The following CACNA1A variants were observed in gnomAD, a reference collection of about 807,000 sequenced individuals.
CACNA1A encodes the protein calcium voltage-gated channel subunit alpha1 A.
A neutral mutation model predicts 262.4 loss-of-function variants in CACNA1A; 57 were observed. The observed-to-expected ratio is 0.22, with a 90% confidence interval of 0.18 to 0.27. CACNA1A has a LOEUF of 0.27. Among genes scored for constraint, CACNA1A ranks in the 10% least tolerant of loss-of-function variants. The probability of loss-of-function intolerance (pLI) is 1.00; values close to 1 mark genes in which losing one functional copy is unlikely to be tolerated. For missense variants in CACNA1A, 2,526 were observed against 3,562.8 expected (o/e 0.71, Z 7.41); for synonymous variants, 1,431 against 1,419.3 (o/e 1.01, Z -0.18).
intron 27 of CACNA1A, chr19:13,259,139 C>CTT (rs35977943): frequency 0.02 from 2,805 of 140,786 alleles, 31 homozygotes; most frequent in African/African-American, 0.029. Flanking sequence ...TTCAGCCTCA[C>CTT]TTTTTTTTTT....
At chr19:13,473,427 C>T (rs1978293329) in intron 1 of CACNA1A, among the ~76,000 whole-genome samples, 1 of 152,128 alleles carries the variant, frequency 6.6e-6, no homozygotes, top group African/African-American at 2.4e-5. Flanking sequence ...TCTCTAGAGC[C>T]GTCCAAGGGA....
intron 3 of CACNA1A, among the ~76,000 whole-genome samples, chr19:13,440,136 T>G (rs2060690153): frequency 6.6e-6 from 1 of 152,132 alleles, no homozygotes; most frequent in East Asian, 1.9e-4. Flanking sequence ...ATTAAAAAAT[T>G]TTTAAGAGAT....
intron 6 of CACNA1A, among the ~76,000 whole-genome samples, chr19:13,340,077 G>A (rs946869326): frequency 1.3e-5 from 2 of 152,156 alleles, no homozygotes; most frequent in Non-Finnish European, 1.5e-5. Context: ...TGCACCGGCC[G>A]CCAGTAGGGA....
intron 3 of CACNA1A, among the ~76,000 whole-genome samples, chr19:13,446,610 CT>C (rs528828997): frequency 4.3e-3 from 516 of 119,998 alleles, no homozygotes; most frequent in African/African-American, 8.9e-3. Context: ...CCATGCCAGG[CT>C]TTTTTTTTTT....
At chr19:13,370,337 G>A (rs2059299910) in intron 4 of CACNA1A, among the ~76,000 whole-genome samples, 2 of 151,962 alleles carry the variant, frequency 1.3e-5, no homozygotes, top group South Asian at 2.1e-4. Context: ...CTGACCTCAG[G>A]TGATCCACCC....
At chr19:13,272,652 G>A (rs890927057) in intron 24 of CACNA1A, 1 of 151,580 alleles carries the variant, frequency 6.6e-6, no homozygotes, top group East Asian at 1.9e-4. Flanking sequence ...ACTGAGAGGG[G>A]GTAAAAGGAG....
chr19:13,481,376 G>C (rs181555104), intron 1 of CACNA1A, among the ~76,000 whole-genome samples: 3 of 152,318 alleles, frequency 2.0e-5, no homozygotes, highest in Admixed American at 6.5e-5. Context: ...CCTGGGAGTG[G>C]GCAGAAGGCA....
At chr19:13,424,261 C>G (rs772384928) in intron 3 of CACNA1A, among the ~76,000 whole-genome samples, 3 of 152,048 alleles carry the variant, frequency 2.0e-5, no homozygotes, top group Non-Finnish European at 4.4e-5. Context: ...CCCAGCTACT[C>G]AGGAGGCTGA....
intron 1 of CACNA1A, among the ~76,000 whole-genome samples, chr19:13,483,321 T>C (rs1251303309): frequency 6.6e-6 from 1 of 152,148 alleles, no homozygotes. Context: ...TCGTATTGCC[T>C]TAAGCTACTG....
chr19:13,457,766 T>C (rs1040615469), intron 1 of CACNA1A, among the ~76,000 whole-genome samples: 2 of 151,732 alleles, frequency 1.3e-5, no homozygotes, highest in African/African-American at 2.4e-5. Flanking sequence ...GGCAGGAGGA[T>C]TGCTTGAACC....
chr19:13,346,616 TTATATATATATATATATATATATATATA>T lies in CACNA1A; in HGVS notation c.979-10735_979-10708del, dbSNP rs74181778. Among the ~76,000 whole-genome samples the T allele has an allele frequency of 5.0e-4, 25 of 50,384 alleles. 1 individual carries two copies. Among genetic ancestry groups the T allele is most frequent in the South Asian group, 9.2e-4 (1 of 1,082 alleles). The allele number at this position is 50,384 out of a possible 152,430, so 33.1% of individuals were successfully genotyped here. A position where few individuals can be genotyped will look rare whatever the true frequency, so the allele number is the denominator to read the frequency against. ...TTTATTAAGGAAAATTTTTAATTGATTATATATATATATATATATATATATATATATATATATATATATATATATATTT... is the reference window on the plus strand; with the variant it reads ...TTTATTAAGGAAAATTTTTAATTGATTATATATATATATATATATATATTT... On this transcript the variant is annotated intron_variant, in intron 6 of 46. Transcript: ENST00000360228.
intron 3 of CACNA1A, among the ~76,000 whole-genome samples, chr19:13,430,486 G>A (rs1392132135): frequency 5.3e-5 from 8 of 152,132 alleles, no homozygotes; most frequent in African/African-American, 1.7e-4. Context: ...GATTACAGGC[G>A]TGAGCCACCA....
chr19:13,374,516 C>T (rs1443038217), intron 3 of CACNA1A, among the ~76,000 whole-genome samples: 6 of 152,108 alleles, frequency 3.9e-5, no homozygotes, highest in Non-Finnish European at 8.8e-5. Flanking sequence ...TCCCAAAGTG[C>T]TGGGATTATA....
intron 6 of CACNA1A, among the ~76,000 whole-genome samples, chr19:13,357,474 G>T (rs895051506): frequency 8.5e-5 from 13 of 152,198 alleles, no homozygotes; most frequent in African/African-American, 2.9e-4. Context: ...GTGAAGAGGA[G>T]ACCTCCACTG....
At position 13,261,569 on chromosome 19, in the gene CACNA1A, G is replaced by A. The variant is rs1353506638; in HGVS notation, c.4131C>T (p.Phe1377=). Residue 1377 remains phenylalanine (F), a synonymous_variant, in exon 26 of 47, where the codon TTC becomes TTT. Coordinates refer to ENST00000360228, the MANE Select transcript of CACNA1A (RefSeq NM_001127222.2). The part of the protein sequence containing the change: ...DCVVNSLKNV[F]NILIVYMLFM... Reference sequence around the variant, plus strand: ...ATAGCATGTAGACGATGAGGATGTTGAAGACGTTTTTAAGTGAGTTCACCA... The same window carrying A: ...ATAGCATGTAGACGATGAGGATGTTAAAGACGTTTTTAAGTGAGTTCACCA... The A allele has an allele frequency of 1.2e-6, 2 of 1,609,230 alleles. No homozygotes were observed. The highest frequency in any genetic ancestry group is 1.1e-5 in the South Asian group (1 of 89,934).
Position 13,308,133 on chromosome 19 carries a change from G to T in CACNA1A, c.1900C>A (p.Leu634Ile), listed in dbSNP as rs1174653249. 1.2e-6 allele frequency: 2 copies of T among 1,614,016 alleles called. No homozygotes were observed. The change falls in exon 14 of 47, where the codon CTC becomes ATC. Residue 634 changes from leucine (L) to isoleucine (I), a missense_variant. By Grantham distance (5) the Leu-to-Ile change is conservative. This residue lies in a region of CACNA1A where 102 missense variants were observed against 278.9 expected (regional missense o/e 0.37). Transcript: ENST00000360228. This position sits in a 1 kb window ranked among gnomAD's most constrained non-coding sequence, Gnocchi z 4.2. ...IVVFALLGMQ[L>I]FGGQFNFDEG... ...TGAAGGACTTACTGGCCGCCGAAGA[G>T]TTGCATTCCCAAAAGGGCGAAGACG...
At position 13,207,523 on chromosome 19, in the gene CACNA1A, T is replaced by C; in HGVS notation, c.7311A>G (p.Pro2437=). The change falls in exon 47 of 47, where the codon CCA becomes CCG. Residue 2437 remains proline, a synonymous_variant. Coordinates refer to ENST00000360228, the MANE Select transcript of CACNA1A (RefSeq NM_001127222.2). This position sits in a 1 kb window ranked among gnomAD's most constrained non-coding sequence, Gnocchi z 5.7. ...CCGAGGACGCGTGTCGTACGGGGGGTGGCGCGTCGTAGGCCCCGGCCATGG... is the reference window on the plus strand; with the variant it reads ...CCGAGGACGCGTGTCGTACGGGGGGCGGCGCGTCGTAGGCCCCGGCCATGG... ...EEAMAGAYDA[P]PPVRHASSGA... is the part of the protein sequence containing the mutation. 1 of 1,434,110 alleles carries C rather than the reference T, an allele frequency of 7.0e-7. No individual in the cohort carries two copies. The highest frequency in any genetic ancestry group is 9.1e-7 in the Non-Finnish European group (1 of 1,096,130). The allele number at this position is 1,434,110 out of a possible 1,614,324, so 88.8% of individuals were successfully genotyped here.
chr19:13,296,837 A>G (rs539311428), intron 19 of CACNA1A, among the ~76,000 whole-genome samples: 34 of 152,214 alleles, frequency 2.2e-4, no homozygotes, highest in Admixed American at 1.3e-4. Context: ...ATAGCTCATC[A>G]TAGCCTAGAC....
intron 35 of CACNA1A, among the ~76,000 whole-genome samples, chr19:13,230,621 A>G (rs1233935944): frequency 6.6e-6 from 1 of 152,056 alleles, no homozygotes; most frequent in Non-Finnish European, 1.5e-5. Context: ...CCTGGTCAAC[A>G]TGGTGAAACA....
Sources: gnomAD v4.1 joint callset for allele counts (sites outside exome capture counted in the v4.1 genomes callset) on GRCh38, gnomAD v4.1.1 for gene constraint, gnomAD v4.1.1 regional missense constraint, Gnocchi (gnomAD v3.1) non-coding constraint, MANE v1.5 for transcripts, NCBI Gene and HGNC (gene_info 2026-07-23, HGNC 2026-07-21) for gene names.